TMEM266: variants seen among roughly 807,000 people sequenced by gnomAD.
The protein encoded by TMEM266 is transmembrane protein 266.
TMEM266 carries 33 observed loss-of-function variants against 50.5 expected under a neutral mutation model. That is an observed-to-expected ratio of 0.65 (90% CI 0.50 to 0.87). TMEM266 has a LOEUF of 0.87. TMEM266 is among the 40% of genes least tolerant of loss of function. The pLI is 0.00. For synonymous variants in TMEM266, 310 were observed against 292.3 expected, an observed-to-expected ratio of 1.06 and a Z score of -0.62; for missense variants, 655 against 695.1, an observed-to-expected ratio of 0.94 and a Z score of 0.65.
chr15:76,195,985 CAGGAGG>C (rs77053594), intron 9 of TMEM266, among the ~76,000 whole-genome samples: 1 of 152,178 alleles, frequency 6.6e-6, no homozygotes, highest in African/African-American at 2.4e-5. Flanking sequence ...GGGCAACTTC[CAGGAGG>C]AGGAGGAGGG....
intron 1 of TMEM266, among the ~76,000 whole-genome samples, chr15:76,092,174 C>T (rs2036858227): frequency 6.6e-6 from 1 of 152,040 alleles, no homozygotes; most frequent in South Asian, 2.1e-4. Flanking sequence ...ATATCCCTTT[C>T]TGTCCTGATT....
intron 1 of TMEM266, among the ~76,000 whole-genome samples, chr15:76,077,184 C>T (rs1017875476): frequency 1.4e-4 from 21 of 151,942 alleles, no homozygotes; most frequent in Admixed American, 5.9e-4. Flanking sequence ...AGGCTGGTCT[C>T]GAACTCCTGA....
chr15:76,121,477 T>A (rs2037344927), intron 1 of TMEM266, among the ~76,000 whole-genome samples: 1 of 152,040 alleles, frequency 6.6e-6, no homozygotes, highest in African/African-American at 2.4e-5. Context: ...AGTGCAGTGG[T>A]ACGATATCAG....
intron 1 of TMEM266, among the ~76,000 whole-genome samples, chr15:76,080,321 T>C (rs1237943214): frequency 5.0e-3 from 1 of 200 alleles, no homozygotes; most frequent in Non-Finnish European, 0.012. Context: ...GGCACGATCT[T>C]GGCTCACTGC....
At chr15:76,184,980 C>T (rs576721154) in intron 8 of TMEM266, among the ~76,000 whole-genome samples, 2 of 152,268 alleles carry the variant, frequency 1.3e-5, no homozygotes, top group African/African-American at 2.4e-5. Flanking sequence ...TTTGCTTCAT[C>T]GGAGCCACTG....
intron 1 of TMEM266, among the ~76,000 whole-genome samples, chr15:76,118,390 C>T (rs11630594): frequency 0.015 from 2,267 of 152,186 alleles, 15 homozygotes; most frequent in Non-Finnish European, 0.017. Flanking sequence ...GGTAAAACCC[C>T]GTCTCTACTA....
chr15:76,091,397 T>G (rs1246924096), intron 1 of TMEM266, among the ~76,000 whole-genome samples: 1 of 151,824 alleles, frequency 6.6e-6, no homozygotes, highest in Non-Finnish European at 1.5e-5. Flanking sequence ...AAATTGACAG[T>G]TTAAGGGCCG....
chr15:76,166,692 A>G (rs2038102483), intron 5 of TMEM266, among the ~76,000 whole-genome samples: 1 of 152,188 alleles, frequency 6.6e-6, no homozygotes, highest in African/African-American at 2.4e-5. Context: ...TTTTCAGCTA[A>G]GAAGAGTGTT....
intron 4 of TMEM266, among the ~76,000 whole-genome samples, chr15:76,157,154 A>G (rs1391195289): frequency 2.6e-5 from 4 of 152,202 alleles, no homozygotes; most frequent in Admixed American, 1.3e-4. Flanking sequence ...CTCAGCTTGT[A>G]GTAACTAATT....
chr15:76,083,563 A>G (rs1328267956), intron 1 of TMEM266, among the ~76,000 whole-genome samples: 1 of 152,098 alleles, frequency 6.6e-6, no homozygotes, highest in Non-Finnish European at 1.5e-5. Flanking sequence ...CCCAGTTCAA[A>G]CATTATTTCT....
At chr15:76,114,063 T>C (rs1427883977) in intron 1 of TMEM266, 1 of 152,160 alleles carries the variant, frequency 6.6e-6, no homozygotes, top group African/African-American at 2.4e-5. Context: ...TATCAGTACT[T>C]CTCTTAGGTA....
chr15:76,203,910 CCA>C lies in TMEM266; in HGVS notation c.1192_1193del (p.Gln398GlufsTer2), dbSNP rs2038792081. 6.2e-7 allele frequency: 1 copy of C among 1,614,152 alleles called. No homozygotes were observed. Among genetic ancestry groups the C allele is most frequent in the African/African-American group, 1.3e-5 (1 of 75,070 alleles). ...CCTCCCGCAGCTCAGTCACCCGGGC[CCA>C]GAGTGACAGCAGCCAGACGCTGGGC... On this transcript the variant is annotated frameshift_variant, in exon 11 of 11. Coordinates refer to ENST00000388942, the MANE Select transcript of TMEM266 (RefSeq NM_152335.3). LOFTEE classifies it high-confidence loss of function.
chr15:76,175,353 A>C, intron 7 of TMEM266: 2 of 536,448 alleles, frequency 3.7e-6, no homozygotes, highest in South Asian at 4.1e-5. Flanking sequence ...GGAAAACAGG[A>C]AAACAGCTAC....
intron 1 of TMEM266, among the ~76,000 whole-genome samples, chr15:76,061,486 C>T (rs2036302745): frequency 1.3e-5 from 2 of 152,214 alleles, no homozygotes; most frequent in Non-Finnish European, 2.9e-5. Flanking sequence ...GGGGCTTTTC[C>T]TCCAGGTGCG....
At chr15:76,165,778 T>C (rs2038085881) in intron 5 of TMEM266, among the ~76,000 whole-genome samples, 1 of 152,144 alleles carries the variant, frequency 6.6e-6, no homozygotes, top group East Asian at 1.9e-4. Context: ...ATCCGGCCAG[T>C]GTCAGGTGGT....
intron 3 of TMEM266, among the ~76,000 whole-genome samples, chr15:76,152,343 A>G (rs1037296342): frequency 1.3e-5 from 2 of 152,180 alleles, no homozygotes; most frequent in African/African-American, 4.8e-5. Context: ...GGCAGGGGAC[A>G]ACTGAGCTGG....
At chr15:76,178,640 G>A (rs193000143) in intron 8 of TMEM266, 2 of 152,136 alleles carry the variant, frequency 1.3e-5, no homozygotes, top group African/African-American at 4.8e-5. Flanking sequence ...GAGCCCCCCG[G>A]GGACCCCAGG....
At chr15:76,129,686 A>G (rs192255623) in intron 1 of TMEM266, among the ~76,000 whole-genome samples, 2 of 152,176 alleles carry the variant, frequency 1.3e-5, no homozygotes, top group East Asian at 3.9e-4. Context: ...AAAACTGCTA[A>G]GGAAATATAA....
At chr15:76,082,041 A>G (rs1202453261) in intron 1 of TMEM266, among the ~76,000 whole-genome samples, 2 of 152,066 alleles carry the variant, frequency 1.3e-5, no homozygotes, top group Non-Finnish European at 2.9e-5. Context: ...TCAGAACCGT[A>G]TTTCCATGCT....
Sources: gnomAD v4.1 joint callset for allele counts (sites outside exome capture counted in the v4.1 genomes callset) on GRCh38, gnomAD v4.1.1 for gene constraint, MANE v1.5 for transcripts, NCBI Gene and HGNC (gene_info 2026-07-23, HGNC 2026-07-21) for gene names.